The following P2RX3 variants were observed in gnomAD, a reference collection of about 807,000 sequenced individuals.
The protein encoded by P2RX3 is P2X purinoceptor 3.
Under a neutral mutation model 51.5 loss-of-function variants are expected in P2RX3, and 41 were observed. The observed-to-expected ratio is 0.80, with a 90% CI of 0.62 to 1.03. The LOEUF (loss-of-function observed/expected upper bound fraction) is 1.03. Ranked by LOEUF, P2RX3 falls within the 50% of genes least tolerant of loss-of-function variation. The pLI, the probability that P2RX3 is intolerant of heterozygous loss-of-function variation, is 0.00. For missense variants in P2RX3, 459 were observed against 522.1 expected, an observed-to-expected ratio of 0.88 and a Z score of 1.18; for synonymous variants, 185 against 191.6, an observed-to-expected ratio of 0.97 and a Z score of 0.29.
At chr11:57,361,959 A>C (rs1441639164) in intron 8 of P2RX3, among the ~76,000 whole-genome samples, 1 of 152,158 alleles carries the variant, frequency 6.6e-6, no homozygotes. Flanking sequence ...GATTTTAGCT[A>C]CTTATGGGCT....
chr11:57,338,657 C>A lies in P2RX3; in HGVS notation c.107C>A (p.Ser36Tyr). The A allele has an allele frequency of 6.3e-7, 1 of 1,584,804 alleles. No individual in the cohort carries two copies. Among genetic ancestry groups the A allele is most frequent in the Non-Finnish European group, 8.7e-7 (1 of 1,155,930 alleles). The change falls in exon 1 of 12, where the codon TCC (serine) becomes TAC (tyrosine). Residue 36 changes from serine (S) to tyrosine (Y), a missense_variant. Ser to Tyr is a moderately radical substitution (Grantham distance 144, BLOSUM62 -2). Transcript: ENST00000263314. ...CGAGTAGTTCAGCTTCTGATCATCT[C>A]CTACTTTGTAGGGTGAGTCTGTGGC... ...INRVVQLLII[S>Y]YFVGWVFLHE...
chr11:57,341,097 TTG>T (rs147337643), intron 1 of P2RX3, among the ~76,000 whole-genome samples: 1 of 151,998 alleles, frequency 6.6e-6, no homozygotes, highest in Non-Finnish European at 1.5e-5. Context: ...GTGTGCACTT[TTG>T]TGTGTGTGTG....
chr11:57,343,946 TC>T (rs1474720270), intron 1 of P2RX3, among the ~76,000 whole-genome samples: 2 of 152,210 alleles, frequency 1.3e-5, no homozygotes, highest in Non-Finnish European at 2.9e-5. Flanking sequence ...TCCCTTCTCT[TC>T]TTCAAGGACG....
At chr11:57,362,499 C>T (rs887418508) in intron 8 of P2RX3, among the ~76,000 whole-genome samples, 3 of 152,142 alleles carry the variant, frequency 2.0e-5, no homozygotes, top group Non-Finnish European at 4.4e-5. Flanking sequence ...CACTGCATGG[C>T]CCCCCAGGCT....
chr11:57,357,182 G>A (rs184082140), intron 8 of P2RX3, among the ~76,000 whole-genome samples: 83 of 146,674 alleles, frequency 5.7e-4, no homozygotes, highest in East Asian at 2.1e-3. Flanking sequence ...TCAGCCAGGC[G>A]TGGTGGCACG....
intron 11 of P2RX3, 78 bp downstream of exon 11, chr11:57,369,516 C>CCCTTCTGAGG (rs1856848840): frequency 7.3e-7 from 1 of 1,375,336 alleles, no homozygotes; most frequent in African/African-American, 1.5e-5. Flanking sequence ...TCAGTGGCTC[C>CCCTTCTGAGG]CCTTCTGAGG....
chr11:57,368,091 G>T lies in P2RX3; in HGVS notation c.925G>T (p.Val309Leu). Reference sequence around the variant, plus strand: ...TTTTGGCATCCGCTTCGACGTGCTGGTATACGGGAATGTGAGTCCATGGGC... The same window carrying T: ...TTTTGGCATCCGCTTCGACGTGCTGTTATACGGGAATGTGAGTCCATGGGC... Reference protein sequence around the residue: ...KAFGIRFDVLVYGNAGKFNII... With the variant: ...KAFGIRFDVLLYGNAGKFNII... Residue 309 changes from valine to leucine, a missense_variant, in exon 9 of 12, where the codon GTA becomes TTA. Physicochemically the swap from Val to Leu is conservative, Grantham distance 32 (BLOSUM62 1). Transcript: ENST00000263314. 1.9e-6 allele frequency: 3 copies of T among 1,614,160 alleles called. No individual in the cohort carries two copies. Among genetic ancestry groups the T allele is most frequent in the Non-Finnish European group, 2.5e-6 (3 of 1,179,980 alleles).
chr11:57,368,481 G>A (rs1856831300), intron 10 of P2RX3, 44 bp downstream of exon 10: 1 of 1,602,296 alleles, frequency 6.2e-7, no homozygotes, highest in African/African-American at 1.3e-5. Context: ...GTCAGAGTGG[G>A]GCCCGGACTG....
At chr11:57,352,154 C>T (rs979229088) in intron 8 of P2RX3, among the ~76,000 whole-genome samples, 4 of 152,090 alleles carry the variant, frequency 2.6e-5, no homozygotes, top group Middle Eastern at 3.4e-3. Flanking sequence ...CAATGGCATA[C>T]GTAAGCCAAA....
intron 8 of P2RX3, among the ~76,000 whole-genome samples, chr11:57,355,273 A>C (rs1462759943): frequency 6.6e-6 from 1 of 151,994 alleles, no homozygotes; most frequent in South Asian, 2.1e-4. Context: ...AGGAAGATGC[A>C]TGTATTCATA....
intron 1 of P2RX3, among the ~76,000 whole-genome samples, chr11:57,341,031 G>C (rs1316292099): frequency 1.3e-5 from 2 of 152,152 alleles, no homozygotes; most frequent in African/African-American, 4.8e-5. Context: ...GAGAGCTTTT[G>C]TTTTTACAGG....
intron 1 of P2RX3, among the ~76,000 whole-genome samples, chr11:57,342,538 G>A (rs1396510229): frequency 6.6e-6 from 1 of 151,998 alleles, no homozygotes; most frequent in Non-Finnish European, 1.5e-5. Context: ...CCCCAATATG[G>A]AACGTAGAGC....
intron 8 of P2RX3, among the ~76,000 whole-genome samples, chr11:57,353,727 T>C (rs1346597095): frequency 6.6e-6 from 1 of 152,116 alleles, no homozygotes; most frequent in Non-Finnish European, 1.5e-5. Flanking sequence ...AATGGAATTA[T>C]TCAGCCAAGA....
At position 57,347,057 on chromosome 11, in the gene P2RX3, T is replaced by C. The variant is rs937850889; in HGVS notation, c.256-59T>C. On this transcript the variant is annotated intron_variant, in intron 2 of 11. Transcript: ENST00000263314. ...GTAGAGTGGGGATAATCAGTTATAG[T>C]CCCTGTCTCACTGATTGGGACTGTT... 6.1e-6 allele frequency: 9 copies of C among 1,480,242 alleles called. No individual in the cohort carries two copies. The African/African-American group carries it at 9.7e-5, about 16-fold the overall frequency. 91.7% of individuals were successfully genotyped at this position (1,480,242 alleles called of 1,614,324 possible). A position where few individuals can be genotyped will look rare whatever the true frequency, so the allele number is the denominator to read the frequency against.
intron 8 of P2RX3, among the ~76,000 whole-genome samples, chr11:57,360,207 C>A (rs1856692641): frequency 6.6e-6 from 1 of 152,194 alleles, no homozygotes; most frequent in African/African-American, 2.4e-5. Flanking sequence ...CCCGCATTGC[C>A]CCTATCGAGA....
intron 7 of P2RX3, chr11:57,350,505 A>T (rs1225929992): frequency 5.0e-6 from 2 of 401,042 alleles, no homozygotes; most frequent in African/African-American, 2.0e-5. Context: ...GATGGTCTCG[A>T]TCTCCTGACC....
Position 57,372,143 on chromosome 11 carries a change from G to A in P2RX3, c.*2146G>A, listed in dbSNP as rs1856897362. On this transcript the variant is annotated 3_prime_UTR_variant, in exon 12 of 12. Transcript: ENST00000263314. ...TCACATGGACCCTCACACCAACGCT[G>A]GTGAGTCCGCTATGGTTTGTCATTA... Among the ~76,000 whole-genome samples the A allele has an allele frequency of 6.6e-6, 1 of 152,190 alleles. No individual in the cohort carries two copies. Among genetic ancestry groups the A allele is most frequent in the African/African-American group, 2.4e-5 (1 of 41,434 alleles).
upstream of P2RX3, among the ~76,000 whole-genome samples, chr11:57,336,617 C>T (rs561636388): frequency 1.2e-4 from 18 of 152,228 alleles, no homozygotes; most frequent in African/African-American, 4.3e-4. Flanking sequence ...AGTGAGTTGC[C>T]CAGGGTCTCA....
intron 8 of P2RX3, among the ~76,000 whole-genome samples, chr11:57,362,382 C>T (rs1310379197): frequency 6.6e-6 from 1 of 152,158 alleles, no homozygotes; most frequent in African/African-American, 2.4e-5. Flanking sequence ...TAAAAATGAT[C>T]TGGTAAGAAC....
Sources: gnomAD v4.1 joint callset for allele counts (sites outside exome capture counted in the v4.1 genomes callset) on GRCh38, gnomAD v4.1.1 for gene constraint, MANE v1.5 for transcripts, NCBI Gene and HGNC (gene_info 2026-07-23, HGNC 2026-07-21) for gene names.